The following ADAMTSL3 variants were observed in gnomAD, a reference collection of about 807,000 sequenced individuals.
ADAMTSL3 encodes the protein ADAMTS-like protein 3.
ADAMTSL3 carries 128 observed loss-of-function variants against 201.7 expected under a neutral mutation model. The observed-to-expected ratio is 0.63, with a 90% confidence interval of 0.55 to 0.73. The LOEUF (loss-of-function observed/expected upper bound fraction) is 0.73. ADAMTSL3 is among the 30% of genes least tolerant of loss of function. ADAMTSL3 has a pLI of 0.00. For synonymous variants in ADAMTSL3, 738 were observed against 748.4 expected (o/e 0.99, Z 0.23); for missense variants, 1,990 against 2,119.6 (o/e 0.94, Z 1.20).
intron 7 of ADAMTSL3, among the ~76,000 whole-genome samples, chr15:83,846,546 C>T (rs2064502153): frequency 6.6e-6 from 1 of 152,220 alleles, no homozygotes. Flanking sequence ...TCAGCCAACC[C>T]ACCCCTTGTT....
chr15:83,879,566 A>G (rs1015941136), intron 9 of ADAMTSL3, among the ~76,000 whole-genome samples: 1 of 152,172 alleles, frequency 6.6e-6, no homozygotes, highest in Non-Finnish European at 1.5e-5. Context: ...ATCTTTTTAA[A>G]ATTTATTTTT....
In ADAMTSL3 at chr15:83,983,064, C is replaced by T. The variant is rs749455914; in HGVS notation, c.3436C>T (p.Pro1146Ser). 41 of 1,614,016 alleles carry T rather than the reference C, an allele frequency of 2.5e-5. 1 individual carries two copies. The South Asian group carries it at 3.0e-4, about 12-fold the overall frequency. ...GTGGCGGGGCATCCAGGAAGAGACA[C>T]CTCCTGCTGCTCAGCTCAGAGGGGA... is the stretch of plus-strand genomic sequence containing the variant. ...MQWRGIQEET[P>S]PAAQLRGETG... The change falls in exon 21 of 30, where the codon CCT (proline) becomes TCT (serine). Residue 1146 changes from proline to serine, a missense_variant. Transcript: ENST00000286744.
At chr15:84,032,006 A>C (rs1361778215) in intron 28 of ADAMTSL3, among the ~76,000 whole-genome samples, 4 of 152,162 alleles carry the variant, frequency 2.6e-5, no homozygotes, top group Non-Finnish European at 4.4e-5. Context: ...GATGCCCTCC[A>C]TCTGGCAGCT....
intron 15 of ADAMTSL3, 58 bp downstream of exon 15, chr15:83,899,789 G>A (rs1347170265): frequency 6.4e-7 from 1 of 1,566,702 alleles, no homozygotes; most frequent in Non-Finnish European, 8.6e-7. Flanking sequence ...CATGATATAT[G>A]TAATTTTTGT....
chr15:83,838,307 T>A (rs2064315727), intron 7 of ADAMTSL3, 92 bp downstream of exon 7: 1 of 1,471,612 alleles, frequency 6.8e-7, no homozygotes, highest in Admixed American at 2.5e-5. Flanking sequence ...TGTTAAGCTT[T>A]TTTAGTTGGA....
At position 83,885,107 on chromosome 15, in the gene ADAMTSL3, T is replaced by A; in HGVS notation, c.967T>A (p.Tyr323Asn). The A allele has an allele frequency of 6.2e-7, 1 of 1,613,232 alleles. No homozygotes were observed. The highest frequency in any genetic ancestry group is 1.3e-5 in the African/African-American group (1 of 75,042). The part of the protein sequence containing the change: ...LMADFIFKTR[Y>N]TAAKDSVVQF... ...CACAGTTCTCTTTGTCCAGACCAGG[T>A]ACACTGCAGCCAAAGACAGCGTGGT... The change falls in exon 10 of 30, where the codon TAC becomes AAC. Residue 323 changes from tyrosine to asparagine, a missense_variant. Tyr to Asn is a moderately radical substitution (Grantham distance 143). Coordinates refer to ENST00000286744, the MANE Select transcript of ADAMTSL3 (RefSeq NM_207517.3).
intron 2 of ADAMTSL3, among the ~76,000 whole-genome samples, chr15:83,697,567 A>C (rs931972007): frequency 6.6e-6 from 1 of 152,160 alleles, no homozygotes; most frequent in African/African-American, 2.4e-5. Context: ...TAAATGAAAC[A>C]CTTTACTTAC....
rs2067176796 is a variant in ADAMTSL3, at chr15:83,970,505, G to A, written c.2512G>A (p.Gly838Arg). The A allele has an allele frequency of 6.2e-7, 1 of 1,614,154 alleles. No homozygotes were observed. Among genetic ancestry groups the A allele is most frequent in the Middle Eastern group, 1.6e-4 (1 of 6,062 alleles). Residue 838 changes from glycine (G) to arginine (R), a missense_variant, in exon 20 of 30, where the codon GGA (glycine) becomes AGA (arginine). Transcript: ENST00000286744. Reference sequence around the variant, plus strand: ...TCAGTGTTCTGTCAGTTGTGGTGTTGGAATCCAGAGAAGAAAGCAGGTGTG... The same window carrying A: ...TCAGTGTTCTGTCAGTTGTGGTGTTAGAATCCAGAGAAGAAAGCAGGTGTG... ...WSKCSVSCGVGIQRRKQVCQR... is the reference protein window; with the variant it reads ...WSKCSVSCGVRIQRRKQVCQR...
intron 6 of ADAMTSL3, among the ~76,000 whole-genome samples, chr15:83,820,771 G>A (rs899187425): frequency 2.0e-5 from 3 of 152,106 alleles, no homozygotes; most frequent in Admixed American, 1.3e-4. Flanking sequence ...CTTTTAATGA[G>A]TATAAGGATT....
rs1174253715 is a variant in ADAMTSL3 at position 83,970,624 on chromosome 15, G to A, written c.2631G>A (p.Met877Ile). 3.7e-6 allele frequency: 6 copies of A among 1,614,184 alleles called. No individual in the cohort carries two copies. The highest frequency in any genetic ancestry group is 5.1e-6 in the Non-Finnish European group (6 of 1,180,022). Residue 877 changes from methionine (M) to isoleucine (I), a missense_variant, in exon 20 of 30, where the codon ATG becomes ATA. Met to Ile is a conservative substitution (Grantham distance 10). Coordinates refer to ENST00000286744, the MANE Select transcript of ADAMTSL3 (RefSeq NM_207517.3). ...TCCCTCTTGTAAGATCTTGCCAGAT[G>A]CCTGAGTGCAGTAGTAAGTATGCGG... ...PGLPLVRSCQ[M>I]PECSKIKSEM...
chr15:83,794,586 T>C (rs1019494100), intron 4 of ADAMTSL3, among the ~76,000 whole-genome samples: 2 of 152,122 alleles, frequency 1.3e-5, no homozygotes, highest in Non-Finnish European at 2.9e-5. Context: ...ATTTCACTTA[T>C]GTAATATTCT....
chr15:83,876,890 T>C (rs1386272330), intron 9 of ADAMTSL3, among the ~76,000 whole-genome samples: 1 of 152,202 alleles, frequency 6.6e-6, no homozygotes, highest in East Asian at 1.9e-4. Flanking sequence ...CCTCATGGGT[T>C]CAAGCTATTC....
At chr15:83,827,604 G>A (rs1402091372) in intron 6 of ADAMTSL3, among the ~76,000 whole-genome samples, 1 of 152,074 alleles carries the variant, frequency 6.6e-6, no homozygotes, top group Non-Finnish European at 1.5e-5. Flanking sequence ...TGTCCTGAAT[G>A]GTATTGCCTA....
intron 3 of ADAMTSL3, among the ~76,000 whole-genome samples, chr15:83,760,499 T>C (rs752970192): frequency 6.6e-6 from 1 of 152,180 alleles, no homozygotes; most frequent in Non-Finnish European, 1.5e-5. Context: ...TACAGTTACA[T>C]AGTTTCAATT....
At chr15:83,809,722 A>G (rs1244847367) in intron 5 of ADAMTSL3, among the ~76,000 whole-genome samples, 3 of 152,362 alleles carry the variant, frequency 2.0e-5, no homozygotes, top group Non-Finnish European at 4.4e-5. Context: ...GTATAGACCC[A>G]AATCAAAATG....
chr15:83,824,009 CTTCT>C (rs2063959921), intron 6 of ADAMTSL3, among the ~76,000 whole-genome samples: 1 of 146,800 alleles, frequency 6.8e-6, no homozygotes, highest in Non-Finnish European at 1.5e-5. Flanking sequence ...TCTTCTTCCT[CTTCT>C]TTCTTCTTTC....
chr15:83,754,201 T>C (rs1178957471), intron 3 of ADAMTSL3, among the ~76,000 whole-genome samples: 2 of 152,154 alleles, frequency 1.3e-5, no homozygotes, highest in Admixed American at 1.3e-4. Flanking sequence ...CTCAAAATGT[T>C]CCCTGGGGGG....
intron 23 of ADAMTSL3, among the ~76,000 whole-genome samples, chr15:83,994,737 C>T (rs1427098609): frequency 1.3e-5 from 2 of 149,524 alleles, no homozygotes; most frequent in African/African-American, 4.9e-5. Context: ...GCTGGGATTA[C>T]AGGTACAAGC....
intron 8 of ADAMTSL3, among the ~76,000 whole-genome samples, chr15:83,860,584 A>C (rs921122378): frequency 6.6e-6 from 1 of 152,262 alleles, no homozygotes; most frequent in Non-Finnish European, 1.5e-5. Context: ...TATTCTCATG[A>C]TATTAAAGGC....
Sources: allele counts gnomAD v4.1 joint callset (sites outside exome capture counted in the v4.1 genomes callset), GRCh38; gene constraint gnomAD v4.1.1; transcripts MANE v1.5; gene names NCBI Gene and HGNC (gene_info 2026-07-23, HGNC 2026-07-21).